The following USP45 variants were observed in gnomAD, a reference collection of about 807,000 sequenced individuals.
The protein encoded by USP45 is ubiquitin specific peptidase 45.
A neutral mutation model predicts 95.8 loss-of-function variants in USP45; 89 were observed. The observed-to-expected ratio is 0.93, with a 90% CI of 0.78 to 1.11. USP45 has a LOEUF of 1.11. Ranked by LOEUF, USP45 falls within the 50% of genes least tolerant of loss-of-function variation. The pLI is 0.00. For missense variants in USP45, 898 were observed against 942.5 expected, an observed-to-expected ratio of 0.95 and a Z score of 0.62; for synonymous variants, 281 against 316.2, an observed-to-expected ratio of 0.89 and a Z score of 1.18.
At chr6:99,455,710 A>G (rs2128591623) in intron 13 of USP45, among the ~76,000 whole-genome samples, 1 of 151,708 alleles carries the variant, frequency 6.6e-6, no homozygotes, top group South Asian at 2.1e-4. Flanking sequence ...AAAAGAATGA[A>G]ATCCTGTCAT....
rs773221897 is a variant in USP45, at chr6:99,446,366, GA to G, written c.1405del (p.Ser469LeufsTer2). 3.1e-6 allele frequency: 5 copies of G among 1,614,156 alleles called. No individual in the cohort carries two copies. In the South Asian group the frequency reaches 5.5e-5, roughly 18 times the overall value. ...KNENLEMNGDSLMFASLMNSE... is the reference protein window; with the variant it reads ...KNENLEMNGDXLMFASLMNSE... ...ATTCATGAGGCTGGCAAACATTAAA[GA>G]ATCCCCATTCATTTCAAGGTTTTCA... On this transcript the variant is annotated frameshift_variant, in exon 14 of 18. Transcript: ENST00000500704. LOFTEE classifies it high-confidence loss of function.
upstream of USP45, among the ~76,000 whole-genome samples, chr6:99,516,551 A>G (rs2128848164): frequency 6.6e-6 from 1 of 152,360 alleles, no homozygotes; most frequent in South Asian, 2.1e-4. Flanking sequence ...CGTACTTAAC[A>G]AGGACCATTC....
chr6:99,508,211 C>A (rs1798966113), intron 3 of USP45, among the ~76,000 whole-genome samples: 1 of 151,324 alleles, frequency 6.6e-6, no homozygotes, highest in South Asian at 2.1e-4. Context: ...AAAAAAATTC[C>A]TTTATTACAG....
chr6:99,461,495 C>T (rs900289422), intron 13 of USP45: 26 of 985,252 alleles, frequency 2.6e-5, no homozygotes, highest in South Asian at 4.7e-5. Flanking sequence ...ACTAGTTTTA[C>T]AGTGCTTTAT....
In USP45 at chr6:99,433,978, T is replaced by C. The variant is rs1239654439; in HGVS notation, c.*1738A>G. On this transcript the variant is annotated 3_prime_UTR_variant, in exon 18 of 18. Coordinates refer to ENST00000500704, the MANE Select transcript of USP45 (RefSeq NM_001346022.3). ...AGTCAATATTTTTCAAAAAATTCAC[T>C]GCTCTGGTACTGAGATCTCCATGAT... 1 of 152,182 alleles carries C rather than the reference T, an allele frequency of 6.6e-6. No individual in the cohort carries two copies. The highest frequency in any genetic ancestry group is 1.9e-4 in the East Asian group (1 of 5,202). The allele number at this position is 152,182 out of a possible 1,614,324, so 9.4% of individuals were successfully genotyped here. A position where few individuals can be genotyped will look rare whatever the true frequency, so the allele number is the denominator to read the frequency against.
intron 5 of USP45, among the ~76,000 whole-genome samples, chr6:99,489,359 A>G (rs1235988389): frequency 6.6e-6 from 1 of 152,232 alleles, no homozygotes; most frequent in Admixed American, 6.5e-5. Flanking sequence ...TATTATTCAC[A>G]GAATGAATCT....
At position 99,503,854 on chromosome 6, in the gene USP45, C is replaced by G. The variant is rs755892066; in HGVS notation, c.389G>C (p.Cys130Ser). 3 of 1,578,168 alleles carry G rather than the reference C, an allele frequency of 1.9e-6. No homozygotes were observed. Among genetic ancestry groups the G allele is most frequent in the Non-Finnish European group, 2.6e-6 (3 of 1,163,152 alleles). The change falls in exon 5 of 18, where the codon TGT (cysteine) becomes TCT (serine). Residue 130 changes from cysteine to serine, a missense_variant. By Grantham distance (112) the Cys-to-Ser change is moderately radical. Transcript: ENST00000500704. Reference protein sequence around the residue: ...LSTWIIWCYECDEKLSTHCNK... With the variant: ...LSTWIIWCYESDEKLSTHCNK... ...ACAATGCGTTGATAATTTTTCATCACATTCATAACACCTGAAAAAGTATAA... is the reference window on the plus strand; with the variant it reads ...ACAATGCGTTGATAATTTTTCATCAGATTCATAACACCTGAAAAAGTATAA...
chr6:99,476,952 G>C (rs1791025769), intron 8 of USP45, among the ~76,000 whole-genome samples: 1 of 152,110 alleles, frequency 6.6e-6, no homozygotes, highest in Admixed American at 6.5e-5. Flanking sequence ...GAAATATTTG[G>C]TTGATTTCAG....
chr6:99,434,521 A>G lies in USP45; in HGVS notation c.*1195T>C, dbSNP rs1780164450. 1 of 152,280 alleles carries G rather than the reference A, an allele frequency of 6.6e-6. No individual in the cohort carries two copies. Among genetic ancestry groups the G allele is most frequent in the South Asian group, 2.1e-4 (1 of 4,830 alleles). 9.4% of individuals were successfully genotyped at this position (152,280 alleles called of 1,614,324 possible). A position where few individuals can be genotyped will look rare whatever the true frequency, so the allele number is the denominator to read the frequency against. On this transcript the variant is annotated 3_prime_UTR_variant, in exon 18 of 18. Coordinates refer to ENST00000500704, the MANE Select transcript of USP45 (RefSeq NM_001346022.3). Reference sequence around the variant, plus strand: ...AAGCCTAAGTAATAGTATATTCTTCATGCCAAGTTTTGACAGCTCAATAAT... The same window carrying G: ...AAGCCTAAGTAATAGTATATTCTTCGTGCCAAGTTTTGACAGCTCAATAAT...
chr6:99,435,772 C>A lies in USP45; in HGVS notation c.2389G>T (p.Glu797Ter). 1 of 1,613,704 alleles carries A rather than the reference C, an allele frequency of 6.2e-7. No homozygotes were observed. Among genetic ancestry groups the A allele is most frequent in the African/African-American group, 1.3e-5 (1 of 75,050 alleles). Residue 797 changes from glutamate to a stop codon, truncating the protein, a stop_gained, in exon 18 of 18, where the codon GAA becomes TAA. Coordinates refer to ENST00000500704, the MANE Select transcript of USP45 (RefSeq NM_001346022.3). LOFTEE classifies it high-confidence loss of function. Reference protein sequence around the residue: ...VSDTYLQVVPESRALSAQAYL... With the variant: ...VSDTYLQVVP ...GCTTGTGCACTAAGTGCTCTTGATT[C>A]TGGAACCACCTGTAAGTAAGTGTCA...
intron 14 of USP45, among the ~76,000 whole-genome samples, chr6:99,444,098 A>G (rs866629738): frequency 6.6e-6 from 1 of 151,700 alleles, no homozygotes; most frequent in Non-Finnish European, 1.5e-5. Context: ...TGTAGCCTTG[A>G]CCTCCCAGGC....
At chr6:99,452,496 A>T (rs1365972092) in intron 13 of USP45, among the ~76,000 whole-genome samples, 1 of 152,246 alleles carries the variant, frequency 6.6e-6, no homozygotes, top group African/African-American at 2.4e-5. Context: ...CACACCAGTT[A>T]GAATGGTGAT....
intron 5 of USP45, among the ~76,000 whole-genome samples, chr6:99,492,642 G>T (rs1795436653): frequency 7.2e-6 from 1 of 139,190 alleles, no homozygotes; most frequent in Non-Finnish European, 1.5e-5. Context: ...TTACAGGCAT[G>T]CGCCACCATG....
In USP45 at chr6:99,437,273, G is replaced by A; in HGVS notation, c.2287C>T (p.His763Tyr). The change falls in exon 17 of 18, where the codon CAT (histidine) becomes TAT (tyrosine). Residue 763 changes from histidine to tyrosine, a missense_variant. His to Tyr is a moderately conservative substitution (Grantham distance 83). Transcript: ENST00000500704. ...VRTPSRKLSEHNTKKKNVPGL... is the reference protein window; with the variant it reads ...VRTPSRKLSEYNTKKKNVPGL... ...GGCACATTTTTCTTTTTAGTGTTAT[G>A]TTCCGATAATTTCCTGGAGGGTGTT... 1.9e-6 allele frequency: 3 copies of A among 1,610,344 alleles called. No individual in the cohort carries two copies. Among genetic ancestry groups the A allele is most frequent in the Non-Finnish European group, 2.5e-6 (3 of 1,179,084 alleles).
chr6:99,435,995 A>C, intron 17 of USP45, 149 bp from the exon 18 acceptor site: 1 of 770,504 alleles, frequency 1.3e-6, no homozygotes, highest in Admixed American at 3.3e-5. Flanking sequence ...AGCATTTTCC[A>C]AAAAGAACTT....
At chr6:99,479,588 C>T (rs1477394541) in intron 8 of USP45, among the ~76,000 whole-genome samples, 1 of 95,408 alleles carries the variant, frequency 1.0e-5, no homozygotes, top group Non-Finnish European at 1.9e-5. Flanking sequence ...ATACAATTTA[C>T]TATTCCAACA....
At chr6:99,466,016 G>A (rs1010696112) in intron 11 of USP45, among the ~76,000 whole-genome samples, 9 of 151,740 alleles carry the variant, frequency 5.9e-5, no homozygotes, top group Middle Eastern at 3.4e-3. Context: ...ATTTCTATTG[G>A]AATTAGTTTT....
At chr6:99,483,774 C>T (rs1302074564) in intron 7 of USP45, among the ~76,000 whole-genome samples, 9 of 124,840 alleles carry the variant, frequency 7.2e-5, no homozygotes, top group South Asian at 2.9e-4. Context: ...GGAAGTGGAG[C>T]TTGCAGTGAG....
chr6:99,492,494 G>T (rs1002130088), intron 5 of USP45, among the ~76,000 whole-genome samples: 2 of 151,740 alleles, frequency 1.3e-5, no homozygotes, highest in Non-Finnish European at 2.9e-5. Context: ...CTAGAAAATA[G>T]AATTTTTTTT....
Sources: allele counts gnomAD v4.1 joint callset (sites outside exome capture counted in the v4.1 genomes callset), GRCh38; gene constraint gnomAD v4.1.1; transcripts MANE v1.5; gene names NCBI Gene and HGNC (gene_info 2026-07-23, HGNC 2026-07-21).